Variants in PDE1C observed in about 807,000 individuals in gnomAD.
The protein encoded by PDE1C is phosphodiesterase 1C, also known as dual specificity calcium/calmodulin-dependent 3',5'-cyclic nucleotide phosphodiesterase 1C.
A neutral mutation model predicts 93.1 loss-of-function variants in PDE1C; 62 were observed. The observed-to-expected ratio is 0.67, with a 90% CI of 0.54 to 0.82. The LOEUF is 0.82. PDE1C is among the 40% of genes least tolerant of loss of function. PDE1C has a pLI of 0.00. For missense variants in PDE1C, 742 were observed against 884.6 expected, an observed-to-expected ratio of 0.84 and a Z score of 2.04; for synonymous variants, 325 against 310.1, an observed-to-expected ratio of 1.05 and a Z score of -0.50.
chr7:32,161,524 G>A (rs563177551), intron 3 of PDE1C, among the ~76,000 whole-genome samples: 9 of 151,958 alleles, frequency 5.9e-5, no homozygotes, highest in African/African-American at 1.5e-4. Context: ...CATTTACCTC[G>A]CACCCCATAC....
At chr7:32,144,772 G>A (rs1287541689) in intron 3 of PDE1C, among the ~76,000 whole-genome samples, 2 of 152,262 alleles carry the variant, frequency 1.3e-5, no homozygotes, top group South Asian at 2.1e-4. Context: ...AAGAGGTAGT[G>A]GATTTTATTC....
chr7:32,348,520 AT>A (rs1275475854), intron 1 of PDE1C, among the ~76,000 whole-genome samples: 3 of 151,978 alleles, frequency 2.0e-5, no homozygotes, highest in African/African-American at 7.3e-5. Context: ...ACCTGCCACC[AT>A]GCCTGGCTAA....
chr7:31,918,113 GATCA>G (rs1276501694), intron 2 of PDE1C, among the ~76,000 whole-genome samples: 1 of 152,084 alleles, frequency 6.6e-6, no homozygotes, highest in African/African-American at 2.4e-5. Flanking sequence ...GTATCAGACA[GATCA>G]ATTAGTAGCT....
intron 16 of PDE1C, among the ~76,000 whole-genome samples, chr7:31,792,281 C>A (rs915059466): frequency 6.6e-6 from 1 of 152,090 alleles, no homozygotes; most frequent in Admixed American, 6.6e-5. Flanking sequence ...AGGGAAAACA[C>A]CTCATTTATC....
chr7:31,787,417 G>A (rs1158995361), intron 16 of PDE1C: 1 of 152,174 alleles, frequency 6.6e-6, no homozygotes, highest in Non-Finnish European at 1.5e-5. Context: ...CATAACCTAA[G>A]AAAGATTGGC....
chr7:32,004,307 T>C (rs568561217), intron 2 of PDE1C, among the ~76,000 whole-genome samples: 10 of 152,194 alleles, frequency 6.6e-5, no homozygotes, highest in East Asian at 3.9e-4. Context: ...GTGATCTTAT[T>C]AAAAATAATA....
At position 32,147,157 on chromosome 7, in the gene PDE1C, G is replaced by A. The variant is rs1029550; in HGVS notation, c.308+22628C>T. ...TCAGCATACGCTGACATGGAAAATC[G>A]CCCCCAGAAATTTAAAAAATTGTTT... On this transcript the variant is annotated intron_variant, in intron 3 of 18. Coordinates refer to the PDE1C transcript ENST00000396193. 2.1e-3 allele frequency among the ~76,000 whole-genome samples: 310 copies of A among 150,462 alleles called. 1 individual carries two copies. Among genetic ancestry groups the A allele is most frequent in the African/African-American group, 7.1e-3 (290 of 40,890 alleles).
At chr7:32,420,122 TATAC>T (rs1341676727) in intron 1 of PDE1C, among the ~76,000 whole-genome samples, 5 of 19,564 alleles carry the variant, frequency 2.6e-4, no homozygotes, top group South Asian at 1.1e-3. Flanking sequence ...TATATATATA[TATAC>T]ACACACACAC....
intron 1 of PDE1C, among the ~76,000 whole-genome samples, chr7:32,416,780 G>T (rs1483778985): frequency 6.6e-6 from 1 of 152,140 alleles, no homozygotes; most frequent in Non-Finnish European, 1.5e-5. Flanking sequence ...TGAAGAGTCT[G>T]GGGGTCAAGT....
chr7:32,040,712 C>G lies in PDE1C; in HGVS notation c.128+10842G>C, dbSNP rs1352755966. ...ATAGAAAACTAAAAATGAAGACAAA[C>G]TGTAAATGCCTTCCCGTAGAAAGAT... On this transcript the variant is annotated intron_variant, in intron 2 of 17. Transcript: ENST00000396191. Among the ~76,000 whole-genome samples, 3 of 152,254 alleles carry G rather than the reference C, an allele frequency of 2.0e-5. No homozygotes were observed. The East Asian group carries it at 5.8e-4, about 29-fold the overall frequency.
intron 1 of PDE1C, among the ~76,000 whole-genome samples, chr7:32,343,745 A>G (rs1001515954): frequency 1.3e-5 from 2 of 152,122 alleles, no homozygotes; most frequent in East Asian, 1.9e-4. Context: ...TCTATTTTTC[A>G]CTAATTAATT....
chr7:31,994,168 G>C lies in PDE1C; in HGVS notation c.128+57386C>G, dbSNP rs75243640. On this transcript the variant is annotated intron_variant, in intron 2 of 17. Coordinates refer to ENST00000396191, the MANE Select transcript of PDE1C (RefSeq NM_001191057.4). ...CAACAATCACAATGTGTGGTAGAAA[G>C]GGTCACCAATTCCCTGATATGCTAT... 4.6e-3 allele frequency among the ~76,000 whole-genome samples: 706 copies of C among 152,204 alleles called. 5 individuals carry two copies. The highest frequency in any genetic ancestry group is 0.016 in the African/African-American group (678 of 41,532).
chr7:31,819,593 A>T (rs1788703943), intron 14 of PDE1C, among the ~76,000 whole-genome samples: 2 of 151,992 alleles, frequency 1.3e-5, no homozygotes, highest in South Asian at 4.1e-4. Context: ...GGGACTTGGG[A>T]TGAAAACAGC....
At chr7:32,062,139 C>T (rs1794885081) in intron 1 of PDE1C, among the ~76,000 whole-genome samples, 1 of 152,158 alleles carries the variant, frequency 6.6e-6, no homozygotes, top group African/African-American at 2.4e-5. Context: ...CCACTCACGA[C>T]AAGACCTGCA....
intron 2 of PDE1C, among the ~76,000 whole-genome samples, chr7:32,206,283 A>C (rs1055489410): frequency 5.3e-5 from 8 of 151,972 alleles, no homozygotes; most frequent in African/African-American, 1.9e-4. Context: ...GAGCAGGGGG[A>C]AAGGAGCAGA....
intron 1 of PDE1C, among the ~76,000 whole-genome samples, chr7:32,233,739 C>T (rs1160437180): frequency 6.6e-6 from 1 of 152,098 alleles, no homozygotes; most frequent in African/African-American, 2.4e-5. Flanking sequence ...TAGCTGGAGA[C>T]TTCAACAGTT....
At chr7:31,707,290 T>C in the PDE1C span, 1 of 1,610,830 alleles carries the variant, frequency 6.2e-7, no homozygotes, top group Non-Finnish European at 8.5e-7. Context: ...TTAAAGATAG[T>C]TCCCCTGAGA....
intron 1 of PDE1C, among the ~76,000 whole-genome samples, chr7:32,372,052 ATTT>A (rs70989652): frequency 2.3e-5 from 3 of 132,462 alleles, no homozygotes; most frequent in African/African-American, 5.7e-5. Context: ...TGGTCAATTG[ATTT>A]TTTTTTTTTT....
chr7:31,801,645 T>C (rs1786057738), intron 16 of PDE1C, among the ~76,000 whole-genome samples: 2 of 151,506 alleles, frequency 1.3e-5, no homozygotes, highest in South Asian at 4.1e-4. Flanking sequence ...TTTTGTAGTT[T>C]GTTTCAAGTA....
Sources: allele counts gnomAD v4.1 joint callset (sites outside exome capture counted in the v4.1 genomes callset), GRCh38; gene constraint gnomAD v4.1.1; transcripts MANE v1.5; gene names NCBI Gene and HGNC (gene_info 2026-07-23, HGNC 2026-07-21).